IL1RAPL2: variants seen among roughly 807,000 people sequenced by gnomAD.
IL1RAPL2 encodes X-linked interleukin-1 receptor accessory protein-like 2.
Under a neutral mutation model 44.1 loss-of-function variants are expected in IL1RAPL2, and 3 were observed. The ratio of observed to expected loss-of-function variants is 0.07; its 90% CI spans 0.03 to 0.18. The LOEUF (loss-of-function observed/expected upper bound fraction) is 0.18, where lower values mean the gene tolerates loss of function less well. IL1RAPL2 is among the 10% of genes least tolerant of loss of function. IL1RAPL2 has a pLI of 1.00. For missense variants in IL1RAPL2, 391 were observed against 496.4 expected, an observed-to-expected ratio of 0.79 and a Z score of 2.02; for synonymous variants, 181 against 178.8, an observed-to-expected ratio of 1.01 and a Z score of -0.10.
intron 2 of IL1RAPL2, among the ~76,000 whole-genome samples, chrX:104,928,225 CTGT>C (rs1372543476): frequency 2.7e-5 from 3 of 111,427 alleles, no homozygotes; most frequent in African/African-American, 9.8e-5. Context: ...TATAGTATCT[CTGT>C]TGTGCTATCA....
intron 5 of IL1RAPL2, among the ~76,000 whole-genome samples, chrX:105,329,174 A>G (rs1176823763): frequency 1.8e-5 from 2 of 112,502 alleles, no homozygotes; most frequent in African/African-American, 6.4e-5. Context: ...GAGATGACCC[A>G]GGACCTGGAA....
intron 5 of IL1RAPL2, among the ~76,000 whole-genome samples, chrX:105,309,867 A>G (rs2034782928): frequency 8.9e-6 from 1 of 112,065 alleles, no homozygotes; most frequent in East Asian, 2.8e-4. Flanking sequence ...TCTGTTTTCA[A>G]GTATACATAT....
At chrX:105,633,068 G>C (rs2037501845) in intron 6 of IL1RAPL2, among the ~76,000 whole-genome samples, 1 of 112,211 alleles carries the variant, frequency 8.9e-6, no homozygotes, top group African/African-American at 3.2e-5. Flanking sequence ...AGAGAGAAAA[G>C]AGAAATATGG....
chrX:104,915,481 A>G (rs1485126291), intron 2 of IL1RAPL2, among the ~76,000 whole-genome samples: 1 of 111,210 alleles, frequency 9.0e-6, no homozygotes, highest in East Asian at 2.8e-4. Context: ...TTGTCAGATG[A>G]GTAGATTGCA....
chrX:105,162,201 A>T (rs2033331814), intron 2 of IL1RAPL2, among the ~76,000 whole-genome samples: 1 of 112,034 alleles, frequency 8.9e-6, no homozygotes, highest in Admixed American at 9.5e-5. Context: ...TCTAGGCCTC[A>T]GTTTCCTATA....
chrX:105,428,572 G>T (rs1387021575), intron 5 of IL1RAPL2, among the ~76,000 whole-genome samples: 1 of 111,413 alleles, frequency 9.0e-6, no homozygotes, highest in Non-Finnish European at 1.9e-5. Context: ...CCTTCTTTTT[G>T]CATTTAGCAA....
intron 2 of IL1RAPL2, among the ~76,000 whole-genome samples, chrX:104,824,177 G>A (rs771025347): frequency 2.7e-5 from 3 of 112,273 alleles, no homozygotes; most frequent in South Asian, 7.5e-4. Context: ...CTGTTTATGT[G>A]ATGGATTACA....
chrX:105,123,354 T>C lies in IL1RAPL2; in HGVS notation c.83-72121T>C, dbSNP rs1410715082. ...GCAATATCCTAGTAGCTTAGTTTAG[T>C]TGGTGAGAGCCCCACGTTAGGATGG... is the stretch of plus-strand genomic sequence containing the variant. On this transcript the variant is annotated intron_variant, in intron 2 of 10. Transcript: ENST00000372582. Among the ~76,000 whole-genome samples the C allele has an allele frequency of 9.9e-5, 11 of 111,327 alleles. No individual in the cohort carries two copies. The Admixed American group carries it at 1.1e-3, about 11-fold the overall frequency.
At chrX:105,406,647 T>G in intron 5 of IL1RAPL2, 1 of 1,146,541 alleles carries the variant, frequency 8.7e-7, no homozygotes, top group East Asian at 3.0e-5. Flanking sequence ...AAATCTTTGC[T>G]GTGCAAATCT....
At chrX:105,680,684 A>G (rs1215370902) in intron 6 of IL1RAPL2, among the ~76,000 whole-genome samples, 1 of 112,267 alleles carries the variant, frequency 8.9e-6, no homozygotes, top group Non-Finnish European at 1.9e-5. Flanking sequence ...AGAATAAAAT[A>G]TCATTTATAA....
Position 105,767,512 on chromosome X carries a change from C to T in IL1RAPL2, c.1912C>T (p.His638Tyr), listed in dbSNP as rs1353219180. Reference protein sequence around the residue: ...TTLPVPSLGNHHTYCNLPLTL... With the variant: ...TTLPVPSLGNYHTYCNLPLTL... Reference sequence around the variant, plus strand: ...CTTGCCAGTACCTTCCTTAGGCAACCACCATACTTATTGTAACCTGCCTCT... The same window carrying T: ...CTTGCCAGTACCTTCCTTAGGCAACTACCATACTTATTGTAACCTGCCTCT... The change falls in exon 11 of 11, where the codon CAC becomes TAC. Residue 638 changes from histidine (H) to tyrosine (Y), a missense_variant. Transcript: ENST00000372582. 1 of 1,209,086 alleles carries T rather than the reference C, an allele frequency of 8.3e-7. No homozygotes were observed. The highest frequency in any genetic ancestry group is 2.2e-5 in the Admixed American group (1 of 45,637).
chrX:105,317,716 T>C (rs1318933010), intron 5 of IL1RAPL2, among the ~76,000 whole-genome samples: 2 of 110,874 alleles, frequency 1.8e-5, no homozygotes, highest in East Asian at 5.7e-4. Flanking sequence ...ACTCAAAGAC[T>C]CTCTGAAGTG....
chrX:104,845,571 T>G (rs1352422687), intron 2 of IL1RAPL2, among the ~76,000 whole-genome samples: 1 of 112,082 alleles, frequency 8.9e-6, no homozygotes, highest in Non-Finnish European at 1.9e-5. Context: ...ATGTGTGAAG[T>G]TGGACAGGCA....
At chrX:105,420,405 T>A (rs1032424639) in intron 5 of IL1RAPL2, among the ~76,000 whole-genome samples, 1 of 111,558 alleles carries the variant, frequency 9.0e-6, no homozygotes, top group African/African-American at 3.3e-5. Flanking sequence ...ACAATTCTAG[T>A]TCAGAGAAAG....
chrX:105,149,808 TG>T (rs925577875), intron 2 of IL1RAPL2, among the ~76,000 whole-genome samples: 2 of 110,387 alleles, frequency 1.8e-5, no homozygotes, highest in Non-Finnish European at 3.8e-5. Context: ...CACTCCAGCC[TG>T]GGTGACAGAG....
intron 5 of IL1RAPL2, chrX:105,406,140 T>C: frequency 8.5e-7 from 1 of 1,178,636 alleles, no homozygotes; most frequent in Non-Finnish European, 1.2e-6. Flanking sequence ...TAAATGTGTT[T>C]GTTTATAAAG....
At chrX:104,798,560 G>C (rs1333001029) in intron 2 of IL1RAPL2, among the ~76,000 whole-genome samples, 3 of 111,096 alleles carry the variant, frequency 2.7e-5, no homozygotes, top group African/African-American at 6.6e-5. Flanking sequence ...CAGCTACTCG[G>C]GAGGCTGAGG....
At chrX:105,292,305 C>T (rs1160973860) in intron 5 of IL1RAPL2, among the ~76,000 whole-genome samples, 1 of 112,104 alleles carries the variant, frequency 8.9e-6, no homozygotes, top group Non-Finnish European at 1.9e-5. Context: ...TGATTTCACA[C>T]TTGGTCTTAG....
chrX:105,033,146 C>G (rs1354150859), intron 2 of IL1RAPL2, among the ~76,000 whole-genome samples: 1 of 111,483 alleles, frequency 9.0e-6, no homozygotes, highest in African/African-American at 3.3e-5. Context: ...TTCCTGAATA[C>G]AGCATACTGA....
Sources: gnomAD v4.1 joint callset for allele counts (sites outside exome capture counted in the v4.1 genomes callset) on GRCh38, gnomAD v4.1.1 for gene constraint, MANE v1.5 for transcripts, NCBI Gene and HGNC (gene_info 2026-07-23, HGNC 2026-07-21) for gene names.